The following C10orf90 variants were observed in gnomAD, a reference collection of about 807,000 sequenced individuals.
C10orf90 encodes the protein (E2-independent) E3 ubiquitin-conjugating enzyme FATS.
Under a neutral mutation model 62.5 loss-of-function variants are expected in C10orf90, and 56 were observed. The ratio of observed to expected loss-of-function variants is 0.90; its 90% CI spans 0.72 to 1.12. C10orf90 has a LOEUF of 1.12. Among genes scored for constraint, C10orf90 ranks in the 50% most tolerant of loss-of-function variants. The pLI, the probability that C10orf90 is intolerant of heterozygous loss-of-function variation, is 0.00. For missense variants in C10orf90, 970 were observed against 880.4 expected (o/e 1.10, Z -1.29); for synonymous variants, 386 against 340.4 (o/e 1.13, Z -1.47).
At position 126,513,897 on chromosome 10, in the gene C10orf90, AG is replaced by A; in HGVS notation, c.355del (p.Asn121IlefsTer25). On this transcript the variant is annotated frameshift_variant, in exon 3 of 10. Transcript: ENST00000488181. LOFTEE classifies it high-confidence loss of function. Reference protein sequence around the residue: ...SYHSRRDQIALKNLQSDVTEA... With the variant: ...SYHSRRDQIAXKNLQSDVTEA... Reference sequence around the variant, plus strand: ...TGTGACATCAGACTGGAGATTTTTAAGGGCAATTTGATCTCTTCTACTGTGG... The same window carrying A: ...TGTGACATCAGACTGGAGATTTTTAAGGCAATTTGATCTCTTCTACTGTGG... 5.6e-6 allele frequency: 9 copies of A among 1,613,404 alleles called. No homozygotes were observed. The highest frequency in any genetic ancestry group is 7.6e-6 in the Non-Finnish European group (9 of 1,179,484).
intron 3 of C10orf90, among the ~76,000 whole-genome samples, chr10:126,506,564 A>C (rs1862743262): frequency 6.6e-6 from 1 of 152,224 alleles, no homozygotes; most frequent in Admixed American, 6.5e-5. Context: ...CTGGGATGTT[A>C]CAACTGCAAG....
At chr10:126,473,230 A>T (rs1159512640) in intron 4 of C10orf90, among the ~76,000 whole-genome samples, 1 of 152,182 alleles carries the variant, frequency 6.6e-6, no homozygotes. Context: ...CTTCCAGCTC[A>T]CAGAATGCTA....
intron 2 of C10orf90, among the ~76,000 whole-genome samples, chr10:126,589,104 C>T (rs1844930867): frequency 6.6e-6 from 1 of 152,144 alleles, no homozygotes; most frequent in Non-Finnish European, 1.5e-5. Flanking sequence ...AGGAAAGAAT[C>T]TCAGAGCTTG....
intron 2 of C10orf90, among the ~76,000 whole-genome samples, chr10:126,545,989 C>T (rs1395270974): frequency 6.6e-6 from 1 of 152,058 alleles, no homozygotes; most frequent in Non-Finnish European, 1.5e-5. Context: ...AGCTATGGAC[C>T]TCGAGACCCA....
At chr10:126,545,669 T>A (rs1350967432) in intron 2 of C10orf90, among the ~76,000 whole-genome samples, 1 of 152,174 alleles carries the variant, frequency 6.6e-6, no homozygotes, top group East Asian at 1.9e-4. Flanking sequence ...GAGAAAGATG[T>A]ATCCTCACCG....
chr10:126,624,264 G>A (rs1845701341), intron 2 of C10orf90, among the ~76,000 whole-genome samples: 1 of 151,796 alleles, frequency 6.6e-6, no homozygotes, highest in Admixed American at 6.6e-5. Context: ...GAGAATTGCT[G>A]GAACCCAGGA....
intron 2 of C10orf90, among the ~76,000 whole-genome samples, chr10:126,516,539 G>T (rs551122641): frequency 6.6e-6 from 1 of 152,322 alleles, no homozygotes; most frequent in South Asian, 2.1e-4. Context: ...GTTACTGAAA[G>T]AAATTAAATG....
chr10:126,604,708 A>C (rs1203247486), intron 2 of C10orf90, among the ~76,000 whole-genome samples: 2 of 152,230 alleles, frequency 1.3e-5, no homozygotes, highest in Non-Finnish European at 2.9e-5. Context: ...TCTGATAAGA[A>C]ACACAGATGT....
At chr10:126,669,249 ATC>A (rs1253220511) in intron 1 of C10orf90, among the ~76,000 whole-genome samples, 1 of 152,214 alleles carries the variant, frequency 6.6e-6, no homozygotes, top group Admixed American at 6.5e-5. Flanking sequence ...TGGCCTTTAC[ATC>A]TCTGTTGTGA....
chr10:126,635,182 G>A (rs1845924962), intron 2 of C10orf90, among the ~76,000 whole-genome samples: 1 of 152,176 alleles, frequency 6.6e-6, no homozygotes, highest in African/African-American at 2.4e-5. Flanking sequence ...TGCCAGCACT[G>A]GTATGAAGGT....
At chr10:126,487,725 A>C (rs1861515251) in intron 4 of C10orf90, among the ~76,000 whole-genome samples, 1 of 152,192 alleles carries the variant, frequency 6.6e-6, no homozygotes, top group Non-Finnish European at 1.5e-5. Flanking sequence ...AGGAAGGTAA[A>C]AATTGATAAG....
rs544080860 is a variant in C10orf90 at position 126,458,070 on chromosome 10, G to A, written c.2188+970C>T. ...TAGACAGCTCCACCAGCAGAGTTCT[G>A]GTGGAGAGAAGGAGACTTAGCCTGC... On this transcript the variant is annotated intron_variant, in intron 7 of 9. Coordinates refer to ENST00000488181, the MANE Select transcript of C10orf90 (RefSeq NM_001350921.2). Among the ~76,000 whole-genome samples, 47 of 152,192 alleles carry A rather than the reference G, an allele frequency of 3.1e-4. 1 individual carries two copies. The highest frequency in any genetic ancestry group is 8.3e-4 in the South Asian group (4 of 4,816).
chr10:126,641,438 A>G (rs752483164), intron 2 of C10orf90, among the ~76,000 whole-genome samples: 13 of 152,144 alleles, frequency 8.5e-5, no homozygotes, highest in Non-Finnish European at 1.8e-4. Flanking sequence ...GTCAGGTTAA[A>G]TCGATCAGAA....
intron 2 of C10orf90, among the ~76,000 whole-genome samples, chr10:126,644,544 C>T (rs1591170008): frequency 1.3e-5 from 2 of 152,170 alleles, no homozygotes; most frequent in Admixed American, 1.3e-4. Context: ...TATTGGCAGA[C>T]TAAAAAAAGA....
chr10:126,595,316 T>A (rs923318318), intron 2 of C10orf90, among the ~76,000 whole-genome samples: 1 of 152,214 alleles, frequency 6.6e-6, no homozygotes, highest in African/African-American at 2.4e-5. Context: ...CCACATTGAC[T>A]GATAGGTTGG....
chr10:126,667,081 C>CA (rs1846645136), intron 1 of C10orf90, among the ~76,000 whole-genome samples: 1 of 147,600 alleles, frequency 6.8e-6, no homozygotes, highest in African/African-American at 2.5e-5. Context: ...GCTTTGGAAA[C>CA]AGAGTGTTGC....
intron 2 of C10orf90, among the ~76,000 whole-genome samples, chr10:126,644,147 T>C (rs539805369): frequency 1.7e-3 from 255 of 152,350 alleles, no homozygotes; most frequent in African/African-American, 5.9e-3. Flanking sequence ...CCTTGATGGC[T>C]AATCATGTTC....
intron 2 of C10orf90, among the ~76,000 whole-genome samples, chr10:126,538,307 G>A (rs1334688959): frequency 6.6e-6 from 1 of 152,144 alleles, no homozygotes; most frequent in East Asian, 1.9e-4. Flanking sequence ...TAGGGATTAT[G>A]GTAGCTACAA....
At chr10:126,448,060 C>T (rs868530666) in intron 7 of C10orf90, among the ~76,000 whole-genome samples, 17 of 105,180 alleles carry the variant, frequency 1.6e-4, no homozygotes, top group Admixed American at 4.1e-4. Context: ...TTAGTAGAGA[C>T]GGGGTTTCAC....
Sources: gnomAD v4.1 joint callset for allele counts (sites outside exome capture counted in the v4.1 genomes callset) on GRCh38, gnomAD v4.1.1 for gene constraint, MANE v1.5 for transcripts, NCBI Gene and HGNC (gene_info 2026-07-23, HGNC 2026-07-21) for gene names.